The following FOXN4 variants were observed in gnomAD, a reference collection of about 807,000 sequenced individuals.
FOXN4 encodes forkhead box N4, also known as forkhead box protein N4.
In FOXN4, 12 loss-of-function variants were observed where a neutral mutation model predicts 45.0. The ratio of observed to expected loss-of-function variants is 0.27; its 90% confidence interval spans 0.17 to 0.43. The LOEUF is 0.43. Among genes scored for constraint, FOXN4 ranks in the 20% least tolerant of loss-of-function variants. The pLI is 1.00. For missense variants in FOXN4, 560 were observed against 694.9 expected (o/e 0.81, Z 2.18); for synonymous variants, 297 against 295.0 (o/e 1.01, Z -0.07).
At position 109,287,981 on chromosome 12, in the gene FOXN4, G is replaced by A; in HGVS notation, c.358-27C>T. 6.5e-7 allele frequency: 1 copy of A among 1,549,742 alleles called. No homozygotes were observed. Among genetic ancestry groups the A allele is most frequent in the East Asian group, 2.4e-5 (1 of 40,906 alleles). On this transcript the variant is annotated intron_variant, in intron 4 of 9. Coordinates refer to ENST00000299162, the MANE Select transcript of FOXN4 (RefSeq NM_213596.3). The surrounding 1 kb of genome is among the most constrained non-coding windows in gnomAD (Gnocchi z 4.1). ...TGCTGGGCAGGAAGAGGAGGAGACA[G>A]AGGGTCACGGTGGGGGTAGACACCC... is the stretch of plus-strand genomic sequence containing the variant.
chr12:109,300,152 G>A lies in FOXN4; in HGVS notation c.86+8084C>T, dbSNP rs533402242. ...CATTATAGTAAACATCTCCTGAAGA[G>A]TATGGAGAAGTAGACCCCGTGAAGA... On this transcript the variant is annotated intron_variant, in intron 2 of 9. Transcript: ENST00000299162. Among the ~76,000 whole-genome samples, 11 of 152,346 alleles carry A rather than the reference G, an allele frequency of 7.2e-5. 2 individuals are homozygous for A. The highest frequency in any genetic ancestry group is 2.4e-4 in the African/African-American group (10 of 41,578).
chr12:109,302,524 CCT>C (rs1362435560), intron 2 of FOXN4, among the ~76,000 whole-genome samples: 5 of 152,338 alleles, frequency 3.3e-5, no homozygotes, highest in Admixed American at 2.6e-4. Flanking sequence ...AGTCACTTCA[CCT>C]CTCTGTGCTG....
At position 109,290,193 on chromosome 12, in the gene FOXN4, C is replaced by T. The variant is rs1293353709; in HGVS notation, c.180G>A (p.Met60Ile). 6.4e-7 allele frequency: 1 copy of T among 1,551,354 alleles called. No individual in the cohort carries two copies. The highest frequency in any genetic ancestry group is 1.4e-5 in the African/African-American group (1 of 73,026). Reference protein sequence around the residue: ...TAVDVPRLQQMASGRVDLGGP... With the variant: ...TAVDVPRLQQIASGRVDLGGP... ...CACCCAGGTCCACGCGGCCACTTGC[C>T]ATCTGCTGCAGCCGAGGCACATCCA... The change falls in exon 3 of 10, where the codon ATG becomes ATA. Residue 60 changes from methionine (M) to isoleucine (I), a missense_variant. Met to Ile is a conservative substitution (Grantham distance 10, BLOSUM62 1). Around this residue, in one of 5 missense-constraint regions of FOXN4, gnomAD observed 142 missense variants for 185.7 expected, o/e 0.76. Transcript: ENST00000299162. This position sits in a 1 kb window ranked among gnomAD's most constrained non-coding sequence, Gnocchi z 5.1.
intron 7 of FOXN4, among the ~76,000 whole-genome samples, 170 bp downstream of exon 7, chr12:109,286,476 CCT>C (rs1398432710): frequency 1.3e-5 from 2 of 152,182 alleles, no homozygotes; most frequent in Non-Finnish European, 2.9e-5. Context: ...CAAATGCCCC[CCT>C]CTCTTTCTGA....
In FOXN4 at chr12:109,290,098, C is replaced by A. The variant is rs1407140372; in HGVS notation, c.232+43G>T. The A allele has an allele frequency of 1.3e-6, 2 of 1,503,936 alleles. No homozygotes were observed. Among genetic ancestry groups the A allele is most frequent in the East Asian group, 2.5e-5 (1 of 40,134 alleles). The allele number at this position is 1,503,936 out of a possible 1,614,324, so 93.2% of individuals were successfully genotyped here. ...TGGCAGGGCTGGGAATCACCCCTCT[C>A]CTATATCACCCTCCTCCCTGCCTAC... On this transcript the variant is annotated intron_variant, in intron 3 of 9. Transcript: ENST00000299162. This position sits in a 1 kb window ranked among gnomAD's most constrained non-coding sequence, Gnocchi z 5.1.
intron 8 of FOXN4, among the ~76,000 whole-genome samples, chr12:109,284,761 T>TTGTGCATTTG (rs562971008): frequency 3.3e-5 from 4 of 120,786 alleles, no homozygotes. Flanking sequence ...GTGTGTGTGT[T>TTGTGCATTTG]TGTGCATTTG....
Position 109,281,581 on chromosome 12 carries a change from C to T in FOXN4, c.1120G>A (p.Asp374Asn). 2 of 1,606,712 alleles carry T rather than the reference C, an allele frequency of 1.2e-6. No homozygotes were observed. The highest frequency in any genetic ancestry group is 1.7e-6 in the Non-Finnish European group (2 of 1,176,508). The change falls in exon 9 of 10, where the codon GAC (aspartate) becomes AAC (asparagine). Residue 374 changes from aspartate to asparagine, a missense_variant. Asp to Asn is a conservative substitution (Grantham distance 23, BLOSUM62 1). Transcript: ENST00000299162. ...GGGGTCTGGGCTGGTGCTGGAGAGTCTGGAGCAAGATGTGCCTGGGGCTGG... is the reference window on the plus strand; with the variant it reads ...GGGGTCTGGGCTGGTGCTGGAGAGTTTGGAGCAAGATGTGCCTGGGGCTGG... ...QVQPQAHLAP[D>N]SPAPAQTPPL...
At position 109,290,051 on chromosome 12, in the gene FOXN4, T is replaced by C; in HGVS notation, c.232+90A>G. ...GGCCCAGAGAGACTGGGAGACCGGG[T>C]CATGGCTGCACAGTGGGTGGGTGGC... On this transcript the variant is annotated intron_variant, in intron 3 of 9. Coordinates refer to ENST00000299162, the MANE Select transcript of FOXN4 (RefSeq NM_213596.3). This position sits in a 1 kb window ranked among gnomAD's most constrained non-coding sequence, Gnocchi z 5.1. 1.4e-6 allele frequency: 2 copies of C among 1,406,524 alleles called. No homozygotes were observed. Among genetic ancestry groups the C allele is most frequent in the Non-Finnish European group, 1.9e-6 (2 of 1,063,368 alleles). 87.1% of individuals were successfully genotyped at this position (1,406,524 alleles called of 1,614,324 possible).
Position 109,287,329 on chromosome 12 carries a change from T to G in FOXN4, c.596+68A>C. 7.2e-6 allele frequency: 11 copies of G among 1,536,464 alleles called. No homozygotes were observed. Among genetic ancestry groups the G allele is most frequent in the Middle Eastern group, 2.1e-4 (1 of 4,866 alleles). ...GCCACACTAGCTGTCTGAGATGCCC[T>G]GAGGGCAGCCTCATCCCTCTCTCCC... On this transcript the variant is annotated intron_variant, in intron 6 of 9. Coordinates refer to ENST00000299162, the MANE Select transcript of FOXN4 (RefSeq NM_213596.3). The surrounding 1 kb of genome is among the most constrained non-coding windows in gnomAD (Gnocchi z 4.1).
intron 9 of FOXN4, 40 bp from the exon 10 acceptor site, chr12:109,279,970 T>A (rs765896879): frequency 1.2e-5 from 19 of 1,609,062 alleles, no homozygotes; most frequent in Non-Finnish European, 1.6e-5. Flanking sequence ...TGGCTTCCCA[T>A]CAAATGACCT....
At chr12:109,303,692 G>C (rs1344665939) in intron 2 of FOXN4, among the ~76,000 whole-genome samples, 1 of 152,176 alleles carries the variant, frequency 6.6e-6, no homozygotes, top group Non-Finnish European at 1.5e-5. Flanking sequence ...GAAGCCAGAA[G>C]CCTGCCTTCC....
Position 109,287,698 on chromosome 12 carries a change from A to G in FOXN4, c.468+146T>C. The stretch of plus-strand genomic sequence containing the variant: ...CACTCAGGGCAGGAGTTTTGGGGGA[A>G]CGGAATGAATGACCCCATGACATGA... On this transcript the variant is annotated intron_variant, in intron 5 of 9. Coordinates refer to ENST00000299162, the MANE Select transcript of FOXN4 (RefSeq NM_213596.3). The surrounding 1 kb of genome is among the most constrained non-coding windows in gnomAD (Gnocchi z 4.1). The G allele has an allele frequency of 9.0e-7, 1 of 1,112,624 alleles. No individual in the cohort carries two copies. Among genetic ancestry groups the G allele is most frequent in the Non-Finnish European group, 1.3e-6 (1 of 799,494 alleles). 68.9% of individuals were successfully genotyped at this position (1,112,624 alleles called of 1,614,324 possible).
chr12:109,307,336 G>T (rs182788501), intron 2 of FOXN4, among the ~76,000 whole-genome samples: 4 of 152,278 alleles, frequency 2.6e-5, no homozygotes, highest in Admixed American at 2.6e-4. Flanking sequence ...TCTGGACTGT[G>T]CCCCCTCAGC....
chr12:109,304,396 G>C (rs2047902687), intron 2 of FOXN4, among the ~76,000 whole-genome samples: 1 of 152,190 alleles, frequency 6.6e-6, no homozygotes, highest in Non-Finnish European at 1.5e-5. Context: ...GCACACAGTA[G>C]ATACTTAATA....
chr12:109,307,409 T>C (rs1437340933), intron 2 of FOXN4, among the ~76,000 whole-genome samples: 6 of 152,172 alleles, frequency 3.9e-5, no homozygotes, highest in Admixed American at 3.3e-4. Flanking sequence ...CTCCCTGGCC[T>C]CAAGGGGAAA....
intron 3 of FOXN4, among the ~76,000 whole-genome samples, chr12:109,289,732 G>A (rs1339465610): frequency 6.6e-6 from 1 of 152,180 alleles, no homozygotes; most frequent in Non-Finnish European, 1.5e-5. Context: ...GGGCCAGATG[G>A]CAAATATTTC....
intron 8 of FOXN4, among the ~76,000 whole-genome samples, chr12:109,282,308 C>G (rs2047660491): frequency 6.6e-6 from 1 of 151,986 alleles, no homozygotes; most frequent in Non-Finnish European, 1.5e-5. Flanking sequence ...ATGAGCTGGG[C>G]TTGGTGGTGT....
rs1477554750 is a variant in FOXN4 at position 109,290,096 on chromosome 12, CTCCTA to C, written c.232+40_232+44del. The C allele has an allele frequency of 2.0e-6, 3 of 1,500,152 alleles. No homozygotes were observed. In the African/African-American group the frequency reaches 4.2e-5, roughly 21 times the overall value. 92.9% of individuals were successfully genotyped at this position (1,500,152 alleles called of 1,614,324 possible). The stretch of plus-strand genomic sequence containing the variant: ...GGTGGCAGGGCTGGGAATCACCCCT[CTCCTA>C]TATCACCCTCCTCCCTGCCTACCTT... On this transcript the variant is annotated intron_variant, in intron 3 of 9. Coordinates refer to ENST00000299162, the MANE Select transcript of FOXN4 (RefSeq NM_213596.3). This position sits in a 1 kb window ranked among gnomAD's most constrained non-coding sequence, Gnocchi z 5.1.
At chr12:109,303,377 C>T (rs1270289221) in intron 2 of FOXN4, among the ~76,000 whole-genome samples, 1 of 152,218 alleles carries the variant, frequency 6.6e-6, no homozygotes, top group Non-Finnish European at 1.5e-5. Context: ...AGTGTGGGTT[C>T]AAGAGAAATT....
Sources: allele counts gnomAD v4.1 joint callset (sites outside exome capture counted in the v4.1 genomes callset), GRCh38; gene constraint gnomAD v4.1.1; regional missense constraint gnomAD v4.1.1; non-coding constraint Gnocchi (gnomAD v3.1); transcripts MANE v1.5; gene names NCBI Gene and HGNC (gene_info 2026-07-23, HGNC 2026-07-21).